Variants in MAP3K5 observed in about 807,000 individuals in gnomAD.
MAP3K5 encodes ASK-1.
Under a neutral mutation model 158.7 loss-of-function variants are expected in MAP3K5, and 56 were observed. That is an observed-to-expected ratio of 0.35 (90% CI 0.28 to 0.44). The LOEUF (loss-of-function observed/expected upper bound fraction) is 0.44, where lower values mean the gene tolerates loss of function less well. Ranked by LOEUF, MAP3K5 falls within the 20% of genes least tolerant of loss-of-function variation. The pLI, the probability that MAP3K5 is intolerant of heterozygous loss-of-function variation, is 1.00. For missense variants in MAP3K5, 1,294 were observed against 1,674.8 expected, an observed-to-expected ratio of 0.77 and a Z score of 3.97; for synonymous variants, 579 against 601.7, an observed-to-expected ratio of 0.96 and a Z score of 0.55.
chr6:136,745,143 GTTT>G lies in MAP3K5; in HGVS notation c.449-24557_449-24555del, dbSNP rs11302986. Among the ~76,000 whole-genome samples the G allele has an allele frequency of 2.1e-3, 224 of 108,044 alleles. 2 individuals are homozygous for G. The highest frequency in any genetic ancestry group is 8.5e-3 in the East Asian group (34 of 4,004). 70.9% of individuals were successfully genotyped at this position (108,044 alleles called of 152,430 possible). A position where few individuals can be genotyped will look rare whatever the true frequency, so the allele number is the denominator to read the frequency against. ...GGGCATACACTTGGCAGTCATTAAA[GTTT>G]TTTTTTTTTTTTTTTTTTTGAGCAA... is the stretch of plus-strand genomic sequence containing the variant. On this transcript the variant is annotated intron_variant, in intron 1 of 29. Coordinates refer to ENST00000359015, the MANE Select transcript of MAP3K5 (RefSeq NM_005923.4).
chr6:136,688,863 G>A (rs1181730125), intron 7 of MAP3K5, among the ~76,000 whole-genome samples: 1 of 151,992 alleles, frequency 6.6e-6, no homozygotes, highest in Non-Finnish European at 1.5e-5. Flanking sequence ...TGTCACATAC[G>A]AAAGCATTTA....
chr6:136,603,106 C>T (rs1705339084), intron 19 of MAP3K5, among the ~76,000 whole-genome samples: 1 of 151,590 alleles, frequency 6.6e-6, no homozygotes, highest in African/African-American at 2.4e-5. Flanking sequence ...TACCATGTGT[C>T]AGACACAGTT....
intron 5 of MAP3K5, 85 bp downstream of exon 5, chr6:136,697,134 C>G: frequency 8.2e-7 from 1 of 1,221,666 alleles, no homozygotes; most frequent in South Asian, 1.6e-5. Flanking sequence ...GAACTGCTTA[C>G]CAGCAAACTG....
In MAP3K5 at chr6:136,747,128, C is replaced by G. The variant is rs567990495; in HGVS notation, c.449-26539G>C. ...TAGAGGCAGGGTCTTGCTACATTGC[C>G]CAGGCTGGTTTTGAACTCCTGGTCT... On this transcript the variant is annotated intron_variant, in intron 1 of 29. Coordinates refer to ENST00000359015, the MANE Select transcript of MAP3K5 (RefSeq NM_005923.4). 1.2e-3 allele frequency among the ~76,000 whole-genome samples: 190 copies of G among 152,242 alleles called. 1 individual carries two copies. The highest frequency in any genetic ancestry group is 4.5e-3 in the African/African-American group (188 of 41,528).
chr6:136,697,441 A>C, intron 4 of MAP3K5, 54 bp from the exon 5 acceptor site: 1 of 1,419,008 alleles, frequency 7.0e-7, no homozygotes, highest in Non-Finnish European at 9.7e-7. Flanking sequence ...AATTTCAATG[A>C]AAAGCAATAA....
chr6:136,618,522 T>C (rs1776664448), intron 15 of MAP3K5, among the ~76,000 whole-genome samples: 1 of 152,214 alleles, frequency 6.6e-6, no homozygotes, highest in Non-Finnish European at 1.5e-5. Context: ...AAAAGTGAGT[T>C]TCTTCCAAGT....
rs1040691231 is a variant in MAP3K5 at position 136,594,329 on chromosome 6, G to A, written c.2879-1715C>T. The stretch of plus-strand genomic sequence containing the variant: ...TGTCTGAGAGAAGAAAGGTTTGAAG[G>A]GGGGCCCAAACACCAAACTGCTTTT... On this transcript the variant is annotated intron_variant, in intron 21 of 29. Transcript: ENST00000359015. Among the ~76,000 whole-genome samples, 5 of 152,260 alleles carry A rather than the reference G, an allele frequency of 3.3e-5. No individual in the cohort carries two copies. In the South Asian group the frequency reaches 1.0e-3, roughly 32 times the overall value.
intron 7 of MAP3K5, among the ~76,000 whole-genome samples, chr6:136,683,471 G>C (rs1780019195): frequency 6.6e-6 from 1 of 152,172 alleles, no homozygotes; most frequent in Non-Finnish European, 1.5e-5. Flanking sequence ...CAAGAAAAAG[G>C]ACCTGACTGA....
At chr6:136,661,509 C>T (rs1264865184) in intron 8 of MAP3K5, among the ~76,000 whole-genome samples, 2 of 152,186 alleles carry the variant, frequency 1.3e-5, no homozygotes, top group Non-Finnish European at 2.9e-5. Context: ...GATCCTTCCA[C>T]CTCAGCCTCC....
At chr6:136,658,427 G>A (rs140584358) in intron 9 of MAP3K5, among the ~76,000 whole-genome samples, 1,490 of 146,888 alleles carry the variant, frequency 0.01, 27 homozygotes, top group African/African-American at 0.036. Context: ...TGATTCTCCT[G>A]CCTCAGCCTC....
At chr6:136,622,754 T>C (rs1017522630) in intron 15 of MAP3K5, 94 bp downstream of exon 15, 42 of 1,348,504 alleles carry the variant, frequency 3.1e-5, no homozygotes, top group Non-Finnish European at 4.2e-5. Flanking sequence ...GTTTTCACAG[T>C]TTCATTCATT....
intron 11 of MAP3K5, among the ~76,000 whole-genome samples, 153 bp from the exon 12 acceptor site, chr6:136,642,722 T>A (rs1454341008): frequency 6.6e-6 from 1 of 152,238 alleles, no homozygotes; most frequent in East Asian, 1.9e-4. Context: ...GAAAGCACAA[T>A]TCATTCTCAA....
Position 136,609,480 on chromosome 6 carries a change from G to C in MAP3K5, c.2521+1802C>G, listed in dbSNP as rs1776238571. Among the ~76,000 whole-genome samples the C allele has an allele frequency of 6.6e-6, 1 of 152,112 alleles. No homozygotes were observed. The highest frequency in any genetic ancestry group is 2.4e-5 in the African/African-American group (1 of 41,404). The stretch of plus-strand genomic sequence containing the variant: ...ACTAGAGCCAGAAGGTAAAAGCAAA[G>C]AGCAAACAGTAGATACAAAATCTGA... On this transcript the variant is annotated intron_variant, in intron 18 of 29. Coordinates refer to ENST00000359015, the MANE Select transcript of MAP3K5 (RefSeq NM_005923.4). This position sits in a 1 kb window ranked among gnomAD's most constrained non-coding sequence, Gnocchi z 4.4.
At chr6:136,568,454 C>T (rs1003947740) in intron 25 of MAP3K5, among the ~76,000 whole-genome samples, 2 of 152,228 alleles carry the variant, frequency 1.3e-5, no homozygotes, top group African/African-American at 4.8e-5. Context: ...ACTATTGGGC[C>T]GATTTCTAGT....
Position 136,705,092 on chromosome 6 carries a change from G to T in MAP3K5, c.612+18C>A. The T allele has an allele frequency of 1.7e-6, 2 of 1,146,738 alleles. No homozygotes were observed. Among genetic ancestry groups the T allele is most frequent in the Non-Finnish European group, 2.5e-6 (2 of 806,852 alleles). 71.0% of individuals were successfully genotyped at this position (1,146,738 alleles called of 1,614,324 possible). A position where few individuals can be genotyped will look rare whatever the true frequency, so the allele number is the denominator to read the frequency against. ...GAAAATATTTTTAAAACTCTGGAAG[G>T]TTAAATAAAGTACTCACAGTATTCT... On this transcript the variant is annotated intron_variant, in intron 3 of 29. Coordinates refer to ENST00000359015, the MANE Select transcript of MAP3K5 (RefSeq NM_005923.4).
intron 1 of MAP3K5, among the ~76,000 whole-genome samples, chr6:136,745,398 G>A (rs745340464): frequency 1.3e-5 from 2 of 152,058 alleles, no homozygotes; most frequent in South Asian, 2.1e-4. Flanking sequence ...GAACACTGAC[G>A]TGACCTAGAA....
intron 2 of MAP3K5, among the ~76,000 whole-genome samples, chr6:136,714,404 T>C (rs1781436628): frequency 6.6e-6 from 1 of 152,156 alleles, no homozygotes; most frequent in Non-Finnish European, 1.5e-5. Flanking sequence ...CAAGACTCCG[T>C]GTTTAAGTTC....
chr6:136,585,980 T>C (rs1775122516), intron 23 of MAP3K5, among the ~76,000 whole-genome samples: 1 of 152,214 alleles, frequency 6.6e-6, no homozygotes, highest in Admixed American at 6.5e-5. Context: ...AAAATTATAA[T>C]TTCTAGGAGT....
chr6:136,658,170 T>C (rs1778834770), intron 9 of MAP3K5, among the ~76,000 whole-genome samples: 1 of 152,158 alleles, frequency 6.6e-6, no homozygotes, highest in Non-Finnish European at 1.5e-5. Context: ...GCCGAGTCGG[T>C]GGCCTGGGCT....
Sources: allele counts gnomAD v4.1 joint callset (sites outside exome capture counted in the v4.1 genomes callset), GRCh38; gene constraint gnomAD v4.1.1; non-coding constraint Gnocchi (gnomAD v3.1); transcripts MANE v1.5; gene names NCBI Gene and HGNC (gene_info 2026-07-23, HGNC 2026-07-21).